Variants in GULP1 observed in about 807,000 individuals in gnomAD.
The protein encoded by GULP1 is PTB domain-containing engulfment adapter protein 1.
GULP1 carries 19 observed loss-of-function variants against 40.9 expected under a neutral mutation model. The ratio of observed to expected loss-of-function variants is 0.46; its 90% CI spans 0.32 to 0.68. GULP1 has a LOEUF of 0.68. GULP1 is among the 30% of genes least tolerant of loss of function. The probability of loss-of-function intolerance (pLI) is 0.03; values close to 1 mark genes in which losing one functional copy is unlikely to be tolerated. For synonymous variants in GULP1, 119 were observed against 117.6 expected, an observed-to-expected ratio of 1.01 and a Z score of -0.08; for missense variants, 312 against 362.2, an observed-to-expected ratio of 0.86 and a Z score of 1.12.
intron 2 of GULP1, among the ~76,000 whole-genome samples, chr2:188,461,695 G>A (rs1251834487): frequency 1.3e-5 from 2 of 152,054 alleles, no homozygotes; most frequent in Non-Finnish European, 2.9e-5. Context: ...TTGGTAGGTT[G>A]TATGTGTCTA....
Position 188,595,260 on chromosome 2 carries a change from T to C in GULP1, c.*1249T>C, listed in dbSNP as rs1384970330. ...TGGTCAAAATTTCTAACTTGGTTCA[T>C]CACATTATAAGATAAATAAATTAAA... On this transcript the variant is annotated 3_prime_UTR_variant, in exon 12 of 12. Transcript: ENST00000409830. 1 of 151,684 alleles carries C rather than the reference T, an allele frequency of 6.6e-6. No homozygotes were observed. Among genetic ancestry groups the C allele is most frequent in the African/African-American group, 2.4e-5 (1 of 41,404 alleles). 9.4% of individuals were successfully genotyped at this position (151,684 alleles called of 1,614,324 possible). A position where few individuals can be genotyped will look rare whatever the true frequency, so the allele number is the denominator to read the frequency against.
chr2:188,507,803 A>G (rs754715481), intron 4 of GULP1, among the ~76,000 whole-genome samples: 10 of 152,000 alleles, frequency 6.6e-5, no homozygotes, highest in Non-Finnish European at 1.2e-4. Context: ...TCATATTTCA[A>G]TTAATAAATG....
chr2:188,556,045 G>A (rs1294468362), intron 7 of GULP1, among the ~76,000 whole-genome samples: 5 of 148,898 alleles, frequency 3.4e-5, no homozygotes, highest in African/African-American at 9.9e-5. Flanking sequence ...GTGACAGAGT[G>A]AGACTCTGTC....
At chr2:188,425,862 C>G (rs1302615956) in intron 2 of GULP1, among the ~76,000 whole-genome samples, 1 of 152,076 alleles carries the variant, frequency 6.6e-6, no homozygotes, top group East Asian at 1.9e-4. Context: ...GCTTATACTA[C>G]CAATTGGATA....
At chr2:188,302,104 G>A (rs1368915906) in intron 1 of GULP1, among the ~76,000 whole-genome samples, 1 of 152,074 alleles carries the variant, frequency 6.6e-6, no homozygotes, top group Non-Finnish European at 1.5e-5. Context: ...TTAGATTATT[G>A]AAGAAACTTT....
chr2:188,553,501 T>G (rs895131355), intron 7 of GULP1, among the ~76,000 whole-genome samples: 3 of 152,056 alleles, frequency 2.0e-5, no homozygotes, highest in African/African-American at 7.2e-5. Flanking sequence ...CACGCATCTC[T>G]GGTATAAATC....
At chr2:188,483,945 A>AGGC (rs1334801426) in intron 4 of GULP1, among the ~76,000 whole-genome samples, 3 of 152,104 alleles carry the variant, frequency 2.0e-5, no homozygotes, top group Non-Finnish European at 4.4e-5. Context: ...TTTTATTGAG[A>AGGC]TGAAGATGTG....
chr2:188,308,321 G>A (rs1357316570), intron 1 of GULP1, among the ~76,000 whole-genome samples: 1 of 152,104 alleles, frequency 6.6e-6, no homozygotes, highest in Non-Finnish European at 1.5e-5. Flanking sequence ...GCTGCATTCT[G>A]TTTTGTAAAT....
chr2:188,326,661 A>G (rs999491013), intron 1 of GULP1, among the ~76,000 whole-genome samples: 12 of 152,086 alleles, frequency 7.9e-5, no homozygotes, highest in African/African-American at 2.2e-4. Flanking sequence ...TGAACACTTG[A>G]TATAGTTTTA....
chr2:188,514,077 G>GTGTGTGTGTGTGTGTGTA (rs1221246994), intron 4 of GULP1, among the ~76,000 whole-genome samples: 1 of 150,024 alleles, frequency 6.7e-6, no homozygotes, highest in East Asian at 2.0e-4. Context: ...GTGTGTGTGT[G>GTGTGTGTGTGTGTGTGTA]TGTGTGCGCC....
chr2:188,351,533 A>G (rs2044444161), intron 1 of GULP1, among the ~76,000 whole-genome samples: 2 of 152,182 alleles, frequency 1.3e-5, no homozygotes, highest in Non-Finnish European at 2.9e-5. Context: ...TAAATTTTTC[A>G]CTGAAGTGCA....
intron 1 of GULP1, among the ~76,000 whole-genome samples, chr2:188,303,028 TA>T (rs1193146182): frequency 6.6e-6 from 1 of 152,184 alleles, no homozygotes; most frequent in African/African-American, 2.4e-5. Flanking sequence ...TGGTCCTGAA[TA>T]AAGTTTGCCT....
intron 2 of GULP1, among the ~76,000 whole-genome samples, chr2:188,400,498 G>C (rs1429086668): frequency 2.0e-5 from 3 of 152,144 alleles, no homozygotes; most frequent in Non-Finnish European, 4.4e-5. Context: ...AGATGATGGT[G>C]ACGAGGCTAG....
chr2:188,348,648 G>A (rs759109324), intron 1 of GULP1, among the ~76,000 whole-genome samples: 1 of 152,156 alleles, frequency 6.6e-6, no homozygotes, highest in Non-Finnish European at 1.5e-5. Context: ...AAGAGTTACA[G>A]TGTTTTATTT....
intron 1 of GULP1, among the ~76,000 whole-genome samples, chr2:188,379,688 T>C (rs575946069): frequency 2.6e-5 from 4 of 152,322 alleles, no homozygotes; most frequent in South Asian, 2.1e-4. Context: ...ACAAATGTTA[T>C]AACATGGCAG....
chr2:188,381,908 C>T (rs2049047986), intron 1 of GULP1, among the ~76,000 whole-genome samples: 1 of 152,160 alleles, frequency 6.6e-6, no homozygotes, highest in Non-Finnish European at 1.5e-5. Flanking sequence ...GTCATTCATA[C>T]ATGCTAAGAT....
intron 2 of GULP1, among the ~76,000 whole-genome samples, chr2:188,468,192 T>C (rs1170632655): frequency 2.0e-5 from 3 of 152,164 alleles, no homozygotes; most frequent in African/African-American, 7.2e-5. Context: ...TTGATGTCAT[T>C]ATTAGCTTGT....
chr2:188,349,556 A>C (rs2044166220), intron 1 of GULP1, among the ~76,000 whole-genome samples: 1 of 151,978 alleles, frequency 6.6e-6, no homozygotes, highest in African/African-American at 2.4e-5. Context: ...AGAAATGTGT[A>C]CTCAGATATT....
intron 1 of GULP1, among the ~76,000 whole-genome samples, chr2:188,361,621 T>G (rs1346355847): frequency 6.6e-6 from 1 of 152,114 alleles, no homozygotes; most frequent in African/African-American, 2.4e-5. Flanking sequence ...TTTGTTGTGA[T>G]TTGTTAGGTG....
Sources: gnomAD v4.1 joint callset for allele counts (sites outside exome capture counted in the v4.1 genomes callset) on GRCh38, gnomAD v4.1.1 for gene constraint, MANE v1.5 for transcripts, NCBI Gene and HGNC (gene_info 2026-07-23, HGNC 2026-07-21) for gene names.